The following SLIT3 variants were observed in gnomAD, a reference collection of about 807,000 sequenced individuals.
SLIT3 encodes slit homolog 3 protein.
In SLIT3, 68 loss-of-function variants were observed where a neutral mutation model predicts 184.0. That is an observed-to-expected ratio of 0.37 (90% CI 0.30 to 0.45). SLIT3 has a LOEUF of 0.45. Among genes scored for constraint, SLIT3 ranks in the 20% least tolerant of loss-of-function variants. The pLI is 1.00. For synonymous variants in SLIT3, 831 were observed against 828.6 expected (o/e 1.00, Z -0.05); for missense variants, 1,707 against 2,026.0 (o/e 0.84, Z 3.02).
chr5:168,684,455 A>G (rs1253837268), intron 31 of SLIT3, among the ~76,000 whole-genome samples: 1 of 152,156 alleles, frequency 6.6e-6, no homozygotes, highest in African/African-American at 2.4e-5. Flanking sequence ...TCTCTGTATA[A>G]AGAAGAATAA....
chr5:168,807,670 G>A (rs2113635146), intron 8 of SLIT3, among the ~76,000 whole-genome samples: 1 of 152,274 alleles, frequency 6.6e-6, no homozygotes, highest in African/African-American at 2.4e-5. Flanking sequence ...TTGCCTCACT[G>A]CTTGGACATG....
At chr5:168,740,280 A>G (rs74317152) in intron 20 of SLIT3, among the ~76,000 whole-genome samples, 6,068 of 152,232 alleles carry the variant, frequency 0.04, 210 homozygotes, top group African/African-American at 0.09. Context: ...GTAGAACTGA[A>G]AGGAGACTGT....
chr5:169,079,747 A>G (rs1581384954), intron 4 of SLIT3, among the ~76,000 whole-genome samples: 3 of 63,270 alleles, frequency 4.7e-5, no homozygotes, highest in African/African-American at 6.5e-5. Flanking sequence ...AGAGGAGGAG[A>G]GAAGAGGAGG....
At chr5:168,926,395 T>C (rs554945436) in intron 4 of SLIT3, among the ~76,000 whole-genome samples, 58 of 152,314 alleles carry the variant, frequency 3.8e-4, no homozygotes, top group African/African-American at 1.4e-3. Flanking sequence ...TTAGAGGGAC[T>C]GCAGTTTTTC....
intron 7 of SLIT3, among the ~76,000 whole-genome samples, chr5:168,821,869 CTG>C (rs1225961845): frequency 2.0e-5 from 3 of 152,206 alleles, no homozygotes; most frequent in African/African-American, 7.2e-5. Context: ...ACTGCAAACT[CTG>C]TGTCCTTCTT....
intron 32 of SLIT3, among the ~76,000 whole-genome samples, chr5:168,678,852 G>T (rs1224530451): frequency 6.6e-6 from 1 of 152,172 alleles, no homozygotes. Context: ...AAGCCCCAAT[G>T]ATTAGTCTCC....
chr5:168,869,585 T>C (rs917524988), intron 5 of SLIT3, among the ~76,000 whole-genome samples: 5 of 152,176 alleles, frequency 3.3e-5, no homozygotes, highest in Non-Finnish European at 4.4e-5. Context: ...TGGGGAGATA[T>C]GATCACCTGG....
chr5:169,214,878 G>A (rs991095707), intron 3 of SLIT3, among the ~76,000 whole-genome samples: 33 of 152,174 alleles, frequency 2.2e-4, no homozygotes, highest in Admixed American at 1.2e-3. Flanking sequence ...ATGCCATGAG[G>A]TATGCATCTT....
At chr5:169,117,128 A>G (rs1760698460) in intron 4 of SLIT3, among the ~76,000 whole-genome samples, 2 of 152,178 alleles carry the variant, frequency 1.3e-5, no homozygotes, top group Non-Finnish European at 2.9e-5. Context: ...CTTCTTCATT[A>G]ATCACAAGTA....
At position 168,959,146 on chromosome 5, in the gene SLIT3, T is replaced by C. The variant is rs375977488; in HGVS notation, c.414-75810A>G. Among the ~76,000 whole-genome samples, 9 of 152,236 alleles carry C rather than the reference T, an allele frequency of 5.9e-5. No homozygotes were observed. In the East Asian group the frequency reaches 7.7e-4, roughly 13 times the overall value. ...CTTATACACAGTAATGGAAATAGCA[T>C]GTAGAAATGGCGAATTAGAAATACC... On this transcript the variant is annotated intron_variant, in intron 4 of 35. Coordinates refer to ENST00000519560, the MANE Select transcript of SLIT3 (RefSeq NM_003062.4).
chr5:168,826,327 C>A (rs1385009653), intron 6 of SLIT3, among the ~76,000 whole-genome samples: 2 of 152,204 alleles, frequency 1.3e-5, no homozygotes, highest in Non-Finnish European at 2.9e-5. Flanking sequence ...GGTTGGTAAC[C>A]TCTCAGACGC....
At chr5:168,891,231 C>T (rs1368438350) in intron 4 of SLIT3, among the ~76,000 whole-genome samples, 1 of 152,140 alleles carries the variant, frequency 6.6e-6, no homozygotes, top group Non-Finnish European at 1.5e-5. Context: ...AGACATGAGA[C>T]TGCTGATGTT....
At chr5:168,749,233 T>C (rs1327504734) in intron 19 of SLIT3, among the ~76,000 whole-genome samples, 1 of 152,204 alleles carries the variant, frequency 6.6e-6, no homozygotes, top group Non-Finnish European at 1.5e-5. Context: ...GAAATCAATA[T>C]ATTATGACAG....
chr5:168,809,216 G>A (rs1331966522), intron 8 of SLIT3, among the ~76,000 whole-genome samples: 1 of 152,158 alleles, frequency 6.6e-6, no homozygotes, highest in East Asian at 1.9e-4. Flanking sequence ...GCACAGCCTT[G>A]AGTCCCTCTG....
intron 23 of SLIT3, among the ~76,000 whole-genome samples, chr5:168,719,710 C>T (rs1762875159): frequency 6.6e-6 from 1 of 152,158 alleles, no homozygotes; most frequent in Admixed American, 6.5e-5. Flanking sequence ...AGAATCTTCC[C>T]TCATTTTGGA....
At chr5:169,016,368 CTAA>C (rs1393475191) in intron 4 of SLIT3, among the ~76,000 whole-genome samples, 5 of 152,156 alleles carry the variant, frequency 3.3e-5, no homozygotes, top group Non-Finnish European at 5.9e-5. Flanking sequence ...CAAGACACAG[CTAA>C]CGGGTGAAAT....
chr5:168,672,011 C>T (rs546721473), intron 33 of SLIT3, among the ~76,000 whole-genome samples: 14 of 152,302 alleles, frequency 9.2e-5, no homozygotes, highest in South Asian at 4.1e-4. Context: ...GCCTTATGTG[C>T]GGTGTACCCC....
chr5:169,062,174 ACT>A (rs1758193501), intron 4 of SLIT3, among the ~76,000 whole-genome samples: 1 of 152,060 alleles, frequency 6.6e-6, no homozygotes, highest in African/African-American at 2.4e-5. Flanking sequence ...ACAGAGCGAG[ACT>A]CTGTCTCAGC....
At chr5:169,104,459 T>C (rs1451090586) in intron 4 of SLIT3, among the ~76,000 whole-genome samples, 1 of 152,262 alleles carries the variant, frequency 6.6e-6, no homozygotes, top group East Asian at 1.9e-4. Context: ...CCTGTCAAAA[T>C]GAAAAGGCTT....
Sources: gnomAD v4.1 joint callset for allele counts (sites outside exome capture counted in the v4.1 genomes callset) on GRCh38, gnomAD v4.1.1 for gene constraint, MANE v1.5 for transcripts, NCBI Gene and HGNC (gene_info 2026-07-23, HGNC 2026-07-21) for gene names.